STX8: variants seen among roughly 807,000 people sequenced by gnomAD.
STX8 encodes syntaxin-8.
A neutral mutation model predicts 37.5 loss-of-function variants in STX8; 23 were observed. That is an observed-to-expected ratio of 0.61 (90% CI 0.44 to 0.87). STX8 has a LOEUF of 0.87. Among genes scored for constraint, STX8 ranks in the 40% least tolerant of loss-of-function variants. STX8 has a pLI of 0.00. For missense variants in STX8, 313 were observed against 284.7 expected (o/e 1.10, Z -0.71); for synonymous variants, 115 against 99.1 (o/e 1.16, Z -0.95).
chr17:9,280,150 G>A (rs1266520205), intron 7 of STX8, among the ~76,000 whole-genome samples: 1 of 152,226 alleles, frequency 6.6e-6, no homozygotes, highest in African/African-American at 2.4e-5. Flanking sequence ...AGCCTGGCTG[G>A]TCAAGGCAGC....
chr17:9,322,690 G>A (rs1364501), intron 7 of STX8, among the ~76,000 whole-genome samples: 1 of 152,022 alleles, frequency 6.6e-6, no homozygotes, highest in African/African-American at 2.4e-5. Flanking sequence ...TACGGCCTTA[G>A]TCTTATATTG....
intron 7 of STX8, among the ~76,000 whole-genome samples, chr17:9,295,701 C>T (rs1169991896): frequency 1.3e-5 from 2 of 151,974 alleles, no homozygotes. Context: ...CAAGATCGCG[C>T]CACCGCACTC....
intron 6 of STX8, among the ~76,000 whole-genome samples, chr17:9,440,862 C>T (rs1462435355): frequency 6.6e-6 from 1 of 152,048 alleles, no homozygotes; most frequent in Non-Finnish European, 1.5e-5. Flanking sequence ...TCATTTTGAA[C>T]AGTCTTCAGT....
chr17:9,281,307 G>A (rs758727575), intron 7 of STX8, among the ~76,000 whole-genome samples: 2 of 152,198 alleles, frequency 1.3e-5, no homozygotes, highest in African/African-American at 4.8e-5. Context: ...GGCATCGGAC[G>A]AGATGTAGGG....
At chr17:9,449,753 C>G (rs1659227490) in intron 6 of STX8, among the ~76,000 whole-genome samples, 1 of 151,878 alleles carries the variant, frequency 6.6e-6, no homozygotes, top group African/African-American at 2.4e-5. Context: ...TTGGAAAAGG[C>G]AAAACTTGAG....
At chr17:9,393,932 G>C (rs2142307889) in intron 6 of STX8, among the ~76,000 whole-genome samples, 2 of 150,174 alleles carry the variant, frequency 1.3e-5, no homozygotes, top group South Asian at 4.1e-4. Context: ...ACCTACACAT[G>C]TGTAAAAATT....
At chr17:9,278,846 C>G (rs1482621714) in intron 7 of STX8, among the ~76,000 whole-genome samples, 1 of 151,818 alleles carries the variant, frequency 6.6e-6, no homozygotes, top group Non-Finnish European at 1.5e-5. Context: ...AGACTTGGGC[C>G]CAGAGCTGCT....
intron 2 of STX8, among the ~76,000 whole-genome samples, chr17:9,566,344 A>G (rs1907459636): frequency 6.6e-6 from 1 of 152,260 alleles, no homozygotes; most frequent in South Asian, 2.1e-4. Context: ...GAACACTTAT[A>G]CACTGTTAGT....
At chr17:9,407,234 C>T (rs1912832950) in intron 6 of STX8, among the ~76,000 whole-genome samples, 1 of 152,088 alleles carries the variant, frequency 6.6e-6, no homozygotes, top group African/African-American at 2.4e-5. Flanking sequence ...TGCTATGTTG[C>T]CCAAGCTGGT....
chr17:9,496,469 C>T (rs1384687359), intron 5 of STX8, among the ~76,000 whole-genome samples: 1 of 152,218 alleles, frequency 6.6e-6, no homozygotes, highest in Non-Finnish European at 1.5e-5. Flanking sequence ...GATGATATCA[C>T]AAGAGGGCAA....
At chr17:9,387,007 T>C (rs977446209) in intron 6 of STX8, among the ~76,000 whole-genome samples, 5 of 151,816 alleles carry the variant, frequency 3.3e-5, no homozygotes, top group Admixed American at 1.3e-4. Flanking sequence ...GTAGCTGAAA[T>C]TACAGGCACC....
At chr17:9,309,501 C>T (rs1909117240) in intron 7 of STX8, among the ~76,000 whole-genome samples, 1 of 152,174 alleles carries the variant, frequency 6.6e-6, no homozygotes, top group Non-Finnish European at 1.5e-5. Flanking sequence ...GGGAAAAAGT[C>T]ACACTCGGAG....
intron 7 of STX8, among the ~76,000 whole-genome samples, chr17:9,266,060 G>C (rs1481170861): frequency 6.6e-6 from 1 of 152,092 alleles, no homozygotes; most frequent in Admixed American, 6.5e-5. Flanking sequence ...TTGCGGGTAA[G>C]ACTAGGGTGC....
At chr17:9,345,063 C>T (rs541058388) in intron 7 of STX8, among the ~76,000 whole-genome samples, 6 of 152,108 alleles carry the variant, frequency 3.9e-5, no homozygotes, top group South Asian at 4.2e-4. Flanking sequence ...GGGTAGCAGA[C>T]GAGGGGCTGA....
chr17:9,352,085 AGG>A (rs1385646583), intron 7 of STX8, among the ~76,000 whole-genome samples: 1 of 149,692 alleles, frequency 6.7e-6, no homozygotes, highest in African/African-American at 2.5e-5. Context: ...TGGAAGATGG[AGG>A]GCTTCGGTGA....
chr17:9,500,725 G>A lies in STX8; in HGVS notation c.448+4313C>T, dbSNP rs183903440. ...ACTTAGAATAAAAGATATGAAGGCC[G>A]GGCGTGCTGGCTCACGCCTGTAATA... On this transcript the variant is annotated intron_variant, in intron 5 of 7. Transcript: ENST00000306357. Among the ~76,000 whole-genome samples, 588 of 152,336 alleles carry A rather than the reference G, an allele frequency of 3.9e-3. 7 individuals are homozygous for A. Among genetic ancestry groups the A allele is most frequent in the African/African-American group, 0.012 (486 of 41,564 alleles).
At chr17:9,431,177 C>A (rs536795701) in intron 6 of STX8, among the ~76,000 whole-genome samples, 11 of 116,360 alleles carry the variant, frequency 9.5e-5, no homozygotes, top group Non-Finnish European at 1.7e-4. Flanking sequence ...TTTTAATAAA[C>A]CATGAGTTGC....
At chr17:9,442,276 C>T (rs1904691578) in intron 6 of STX8, among the ~76,000 whole-genome samples, 1 of 152,224 alleles carries the variant, frequency 6.6e-6, no homozygotes, top group African/African-American at 2.4e-5. Flanking sequence ...TCTTCTCATC[C>T]TAACCACTCC....
At chr17:9,264,916 C>T (rs1050999895) in intron 7 of STX8, among the ~76,000 whole-genome samples, 1 of 151,642 alleles carries the variant, frequency 6.6e-6, no homozygotes, top group East Asian at 2.0e-4. Context: ...GAGTTTGAGA[C>T]CAGCCTAGGC....
Sources: gnomAD v4.1 joint callset for allele counts (sites outside exome capture counted in the v4.1 genomes callset) on GRCh38, gnomAD v4.1.1 for gene constraint, MANE v1.5 for transcripts, NCBI Gene and HGNC (gene_info 2026-07-23, HGNC 2026-07-21) for gene names.